PAPSS1: variants seen among roughly 807,000 people sequenced by gnomAD.
PAPSS1 encodes the protein 3'-phosphoadenosine 5'-phosphosulfate synthase 1.
In PAPSS1, 50 loss-of-function variants were observed where a neutral mutation model predicts 72.0. That is an observed-to-expected ratio of 0.69 (90% CI 0.55 to 0.88). The LOEUF (loss-of-function observed/expected upper bound fraction) is 0.88. PAPSS1 is among the 40% of genes least tolerant of loss of function. The pLI, the probability that PAPSS1 is intolerant of heterozygous loss-of-function variation, is 0.00. For synonymous variants in PAPSS1, 261 were observed against 263.6 expected, an observed-to-expected ratio of 0.99 and a Z score of 0.09; for missense variants, 657 against 782.2, an observed-to-expected ratio of 0.84 and a Z score of 1.91.
At chr4:107,691,259 T>A (rs1013331997) in intron 3 of PAPSS1, among the ~76,000 whole-genome samples, 1 of 152,186 alleles carries the variant, frequency 6.6e-6, no homozygotes, top group Non-Finnish European at 1.5e-5. Flanking sequence ...ATTCCATTTA[T>A]TGAATAGTTA....
At chr4:107,623,891 C>T (rs1032181023) in intron 11 of PAPSS1, among the ~76,000 whole-genome samples, 1 of 152,188 alleles carries the variant, frequency 6.6e-6, no homozygotes, top group African/African-American at 2.4e-5. Context: ...GTCAGATCCA[C>T]AATACTTTTA....
At chr4:107,709,462 T>A (rs1029797247) in intron 1 of PAPSS1, among the ~76,000 whole-genome samples, 1 of 152,164 alleles carries the variant, frequency 6.6e-6, no homozygotes, top group African/African-American at 2.4e-5. Context: ...AAGTAAACCA[T>A]CTTTTAAAGC....
chr4:107,669,652 G>A (rs1727421113), intron 5 of PAPSS1, among the ~76,000 whole-genome samples: 1 of 152,132 alleles, frequency 6.6e-6, no homozygotes, highest in Non-Finnish European at 1.5e-5. Context: ...TGCTTTCATT[G>A]GGAAGTGAAG....
intron 4 of PAPSS1, among the ~76,000 whole-genome samples, chr4:107,686,344 A>T (rs1306820482): frequency 1.3e-5 from 2 of 152,218 alleles, no homozygotes; most frequent in Non-Finnish European, 2.9e-5. Context: ...TATACTTTAA[A>T]TCATCTCTAG....
chr4:107,664,530 C>A lies in PAPSS1; in HGVS notation c.670-4458G>T, dbSNP rs188253023. On this transcript the variant is annotated intron_variant, in intron 5 of 11. Coordinates refer to ENST00000265174, the MANE Select transcript of PAPSS1 (RefSeq NM_005443.5). ...GTTCTCTTCCCTCCACCCTGGAGAC[C>A]CCACAACACTGAGGGCACACTCAGG... Among the ~76,000 whole-genome samples the A allele has an allele frequency of 4.6e-5, 7 of 152,216 alleles. No homozygotes were observed. In the East Asian group the frequency reaches 9.7e-4, roughly 21 times the overall value.
At chr4:107,697,795 C>T (rs1723107689) in intron 2 of PAPSS1, among the ~76,000 whole-genome samples, 1 of 152,140 alleles carries the variant, frequency 6.6e-6, no homozygotes, top group Non-Finnish European at 1.5e-5. Flanking sequence ...CACCCAGAAC[C>T]TCAGAAGGTG....
intron 5 of PAPSS1, 31 bp from the exon 6 acceptor site, chr4:107,660,103 T>A (rs1262837452): frequency 8.9e-7 from 1 of 1,129,554 alleles, no homozygotes; most frequent in African/African-American, 1.6e-5. Context: ...AATTTAAATG[T>A]TTGATTCAAG....
intron 6 of PAPSS1, among the ~76,000 whole-genome samples, chr4:107,658,355 A>G (rs1316562276): frequency 2.4e-5 from 2 of 83,178 alleles, no homozygotes; most frequent in Non-Finnish European, 5.9e-5. Context: ...ACTCCATTTA[A>G]AAAAAAAAAA....
intron 5 of PAPSS1, among the ~76,000 whole-genome samples, chr4:107,669,575 A>C (rs1022660617): frequency 6.6e-6 from 1 of 152,220 alleles, no homozygotes; most frequent in Non-Finnish European, 1.5e-5. Flanking sequence ...AGTGCCTACC[A>C]CATATAGCAT....
intron 3 of PAPSS1, among the ~76,000 whole-genome samples, 182 bp downstream of exon 3, chr4:107,693,589 A>G (rs1325882312): frequency 6.6e-6 from 1 of 152,182 alleles, no homozygotes; most frequent in African/African-American, 2.4e-5. Flanking sequence ...TTTACTTAGA[A>G]AGTCACAGCA....
intron 10 of PAPSS1, among the ~76,000 whole-genome samples, chr4:107,635,355 A>T (rs975976149): frequency 3.3e-5 from 5 of 152,210 alleles, no homozygotes; most frequent in African/African-American, 1.2e-4. Flanking sequence ...AAGCATTAAT[A>T]TGGTATACAT....
intron 1 of PAPSS1, among the ~76,000 whole-genome samples, chr4:107,713,843 A>C (rs745528933): frequency 7.2e-5 from 11 of 152,216 alleles, no homozygotes; most frequent in Non-Finnish European, 1.3e-4. Context: ...GAGAAGAATA[A>C]GAGAAAACAG....
intron 4 of PAPSS1, among the ~76,000 whole-genome samples, chr4:107,685,939 C>T (rs1032640173): frequency 2.0e-5 from 3 of 152,226 alleles, no homozygotes; most frequent in Non-Finnish European, 2.9e-5. Flanking sequence ...ACCTGCATGA[C>T]TCACTGATCC....
chr4:107,702,622 G>T (rs1477072598), intron 1 of PAPSS1, among the ~76,000 whole-genome samples: 2 of 152,018 alleles, frequency 1.3e-5, no homozygotes, highest in Non-Finnish European at 2.9e-5. Context: ...TTCCCTTTCT[G>T]TGCCTGGCTT....
intron 1 of PAPSS1, among the ~76,000 whole-genome samples, chr4:107,713,258 T>A (rs1040619754): frequency 6.6e-6 from 1 of 152,154 alleles, no homozygotes; most frequent in Non-Finnish European, 1.5e-5. Context: ...TAATTTCATT[T>A]CTAGGAAAGC....
intron 5 of PAPSS1, among the ~76,000 whole-genome samples, chr4:107,676,850 G>A (rs1187921617): frequency 6.6e-6 from 1 of 152,092 alleles, no homozygotes; most frequent in Non-Finnish European, 1.5e-5. Flanking sequence ...TAGACCAATG[G>A]AACAGAACAG....
chr4:107,651,325 C>T (rs938416473), intron 9 of PAPSS1, among the ~76,000 whole-genome samples: 2 of 152,172 alleles, frequency 1.3e-5, no homozygotes, highest in African/African-American at 4.8e-5. Context: ...GTTCATAACA[C>T]AGTCTACAGC....
chr4:107,664,557 G>A (rs1341876838), intron 5 of PAPSS1, among the ~76,000 whole-genome samples: 1 of 152,116 alleles, frequency 6.6e-6, no homozygotes, highest in Non-Finnish European at 1.5e-5. Context: ...ACACTCAGGT[G>A]CATCTCTGCT....
At chr4:107,619,881 A>T (rs1420277835) in intron 11 of PAPSS1, among the ~76,000 whole-genome samples, 7 of 152,212 alleles carry the variant, frequency 4.6e-5, no homozygotes, top group African/African-American at 1.7e-4. Context: ...AACAGCAAGG[A>T]GGGGAAAAAA....
Sources: allele counts gnomAD v4.1 joint callset (sites outside exome capture counted in the v4.1 genomes callset), GRCh38; gene constraint gnomAD v4.1.1; transcripts MANE v1.5; gene names NCBI Gene and HGNC (gene_info 2026-07-23, HGNC 2026-07-21).